Variants in MYOZ2 observed in about 807,000 individuals in gnomAD.
The protein encoded by MYOZ2 is myozenin-2.
A neutral mutation model predicts 25.4 loss-of-function variants in MYOZ2; 19 were observed. That is an observed-to-expected ratio of 0.75 (90% CI 0.52 to 1.10). The LOEUF (loss-of-function observed/expected upper bound fraction) is 1.10. MYOZ2 is among the 50% of genes least tolerant of loss of function. The probability of loss-of-function intolerance (pLI) is 0.00; values close to 1 mark genes in which losing one functional copy is unlikely to be tolerated. For missense variants in MYOZ2, 270 were observed against 317.9 expected, an observed-to-expected ratio of 0.85 and a Z score of 1.15; for synonymous variants, 92 against 106.9, an observed-to-expected ratio of 0.86 and a Z score of 0.86.
intron 5 of MYOZ2, among the ~76,000 whole-genome samples, chr4:119,185,346 A>C (rs1742269774): frequency 6.6e-6 from 1 of 150,662 alleles, no homozygotes; most frequent in Non-Finnish European, 1.5e-5. Context: ...GACAGGTTTC[A>C]CTCTGTCACC....
intron 3 of MYOZ2, among the ~76,000 whole-genome samples, chr4:119,154,310 G>T (rs748974961): frequency 2.7e-4 from 41 of 152,054 alleles, no homozygotes; most frequent in Admixed American, 4.6e-4. Flanking sequence ...TTTCTTTAGG[G>T]TCAACTTAAC....
At chr4:119,158,643 A>G (rs1248863181) in intron 4 of MYOZ2, among the ~76,000 whole-genome samples, 8 of 152,192 alleles carry the variant, frequency 5.3e-5, no homozygotes, top group Non-Finnish European at 7.3e-5. Context: ...TAGTAGCCAT[A>G]CGTTCTTTGT....
chr4:119,153,604 G>A (rs369016963), intron 3 of MYOZ2, among the ~76,000 whole-genome samples: 4 of 152,046 alleles, frequency 2.6e-5, no homozygotes, highest in African/African-American at 7.2e-5. Context: ...TGTTGTCAAA[G>A]TAATAATTTA....
At chr4:119,155,893 A>T (rs1013022237) in intron 3 of MYOZ2, among the ~76,000 whole-genome samples, 5 of 152,132 alleles carry the variant, frequency 3.3e-5, no homozygotes, top group African/African-American at 1.2e-4. Context: ...ATGGCATTTT[A>T]AAAAATGTCA....
At chr4:119,166,038 C>T (rs925885077) in intron 5 of MYOZ2, among the ~76,000 whole-genome samples, 13 of 150,228 alleles carry the variant, frequency 8.7e-5, no homozygotes, top group African/African-American at 2.4e-4. Flanking sequence ...TGTGTGTGTG[C>T]GTGTGTGTGT....
chr4:119,172,517 T>A (rs1465148451), intron 5 of MYOZ2, among the ~76,000 whole-genome samples: 1 of 152,194 alleles, frequency 6.6e-6, no homozygotes, highest in Non-Finnish European at 1.5e-5. Context: ...ATCTGAGTGG[T>A]GCCAGCTGAT....
chr4:119,145,506 C>CTGTGTGTGTG (rs200111377), intron 2 of MYOZ2, among the ~76,000 whole-genome samples: 32 of 128,230 alleles, frequency 2.5e-4, no homozygotes, highest in East Asian at 4.9e-4. Flanking sequence ...CCAGCTAAAA[C>CTGTGTGTGTG]TGTGTGTGTG....
rs1742333816 is a variant in MYOZ2 at position 119,187,586 on chromosome 4, A to G, written c.*1386A>G. On this transcript the variant is annotated 3_prime_UTR_variant, in exon 6 of 6. Coordinates refer to ENST00000307128, the MANE Select transcript of MYOZ2 (RefSeq NM_016599.5). ...CAGAAAGTAACAATGACAAAGTATT[A>G]TATTTATATATATTATTGTAGAGAA... 2 of 152,028 alleles carry G rather than the reference A, an allele frequency of 1.3e-5. No homozygotes were observed. The highest frequency in any genetic ancestry group is 2.4e-5 in the African/African-American group (1 of 41,444). The allele number at this position is 152,028 out of a possible 1,614,324, so 9.4% of individuals were successfully genotyped here.
chr4:119,185,476 G>A lies in MYOZ2; in HGVS notation c.561-490G>A, dbSNP rs543849728. Among the ~76,000 whole-genome samples, 13 of 152,158 alleles carry A rather than the reference G, an allele frequency of 8.5e-5. No individual in the cohort carries two copies. In the South Asian group the frequency reaches 2.3e-3, roughly 27 times the overall value. On this transcript the variant is annotated intron_variant, in intron 5 of 5. Transcript: ENST00000307128. ...ATTTCAGGTGCCCGCCACCATGCCC[G>A]GCTAATTTTTGTAATTTTAGTAGAG...
intron 3 of MYOZ2, among the ~76,000 whole-genome samples, chr4:119,154,892 A>ACACACACACACACAC (rs58689464): frequency 2.0e-5 from 3 of 148,404 alleles, no homozygotes; most frequent in Non-Finnish European, 4.5e-5. Flanking sequence ...CACACACACA[A>ACACACACACACACAC]TGCCTTTCTT....
At chr4:119,158,488 G>A (rs1376773369) in intron 4 of MYOZ2, among the ~76,000 whole-genome samples, 1 of 152,000 alleles carries the variant, frequency 6.6e-6, no homozygotes, top group African/African-American at 2.4e-5. Flanking sequence ...CCCAGGAGGG[G>A]CTGCAGTGAG....
chr4:119,180,476 T>C (rs1479527192), intron 5 of MYOZ2, among the ~76,000 whole-genome samples: 10 of 152,240 alleles, frequency 6.6e-5, no homozygotes, highest in Admixed American at 6.5e-4. Context: ...GCTATTCGCC[T>C]TTCTGTCATA....
In MYOZ2 at chr4:119,182,669, G is replaced by A. The variant is rs1237710805; in HGVS notation, c.561-3297G>A. The stretch of plus-strand genomic sequence containing the variant: ...CCCTCACATGCAAAGTTCACAAGAG[G>A]GTTTGCACTCCTATGAGAATCTAAT... On this transcript the variant is annotated intron_variant, in intron 5 of 5. Coordinates refer to ENST00000307128, the MANE Select transcript of MYOZ2 (RefSeq NM_016599.5). Among the ~76,000 whole-genome samples the A allele has an allele frequency of 3.3e-5, 5 of 152,078 alleles. No individual in the cohort carries two copies. In the East Asian group the frequency reaches 9.6e-4, roughly 29 times the overall value.
chr4:119,151,595 TAAAC>T (rs1741450495), intron 3 of MYOZ2, among the ~76,000 whole-genome samples: 1 of 152,104 alleles, frequency 6.6e-6, no homozygotes. Flanking sequence ...TCAAAGCTAA[TAAAC>T]AAACAAAAAT....
In MYOZ2 at chr4:119,164,158, G is replaced by C. The variant is rs534363921; in HGVS notation, c.377-53G>C. The C allele has an allele frequency of 1.5e-4, 227 of 1,511,048 alleles. 2 individuals are homozygous for C. In the South Asian group the frequency reaches 2.5e-3, roughly 17 times the overall value. 93.6% of individuals were successfully genotyped at this position (1,511,048 alleles called of 1,614,324 possible). A position where few individuals can be genotyped will look rare whatever the true frequency, so the allele number is the denominator to read the frequency against. ...AAACATGGTAAAATGTTAGGTGGAG[G>C]TTAGTAACTCTCGGGCACAGTATTT... On this transcript the variant is annotated intron_variant, in intron 4 of 5. Coordinates refer to ENST00000307128, the MANE Select transcript of MYOZ2 (RefSeq NM_016599.5).
intron 5 of MYOZ2, among the ~76,000 whole-genome samples, chr4:119,184,571 A>G (rs1742254726): frequency 6.6e-6 from 1 of 152,220 alleles, no homozygotes; most frequent in Admixed American, 6.5e-5. Context: ...AACTTTATGC[A>G]TAGCTGCTAT....
chr4:119,148,903 G>A lies in MYOZ2; in HGVS notation c.77-1969G>A, dbSNP rs150945420. ...GTTTTAATATCTCAGTCATCCCAGT[G>A]TTGGCATTTGATTTTTTTTTTAATT... On this transcript the variant is annotated intron_variant, in intron 2 of 5. Coordinates refer to ENST00000307128, the MANE Select transcript of MYOZ2 (RefSeq NM_016599.5). 8.1e-3 allele frequency among the ~76,000 whole-genome samples: 1,227 copies of A among 151,346 alleles called. 15 individuals carry two copies. Among genetic ancestry groups the A allele is most frequent in the African/African-American group, 0.029 (1,189 of 41,212 alleles).
intron 5 of MYOZ2, among the ~76,000 whole-genome samples, chr4:119,172,588 T>G (rs1204646317): frequency 6.6e-6 from 1 of 152,226 alleles, no homozygotes; most frequent in East Asian, 1.9e-4. Context: ...ACCATAGTGA[T>G]GTTATCCCCA....
intron 2 of MYOZ2, among the ~76,000 whole-genome samples, chr4:119,137,422 ATATAT>A (rs879935836): frequency 6.6e-6 from 1 of 152,136 alleles, no homozygotes; most frequent in Non-Finnish European, 1.5e-5. Flanking sequence ...GCCATTCCAG[ATATAT>A]TAGTGGCATT....
Sources: gnomAD v4.1 joint callset for allele counts (sites outside exome capture counted in the v4.1 genomes callset) on GRCh38, gnomAD v4.1.1 for gene constraint, MANE v1.5 for transcripts, NCBI Gene and HGNC (gene_info 2026-07-23, HGNC 2026-07-21) for gene names.